TRAPPC11: variants seen among roughly 807,000 people sequenced by gnomAD.
The protein encoded by TRAPPC11 is foie gras homolog.
In TRAPPC11, 104 loss-of-function variants were observed where a neutral mutation model predicts 151.2. The observed-to-expected ratio is 0.69, with a 90% CI of 0.59 to 0.81. The LOEUF is 0.81. Ranked by LOEUF, TRAPPC11 falls within the 30% of genes least tolerant of loss-of-function variation. The pLI, the probability that TRAPPC11 is intolerant of heterozygous loss-of-function variation, is 0.00. For missense variants in TRAPPC11, 1,230 were observed against 1,349.6 expected (o/e 0.91, Z 1.39); for synonymous variants, 456 against 472.3 (o/e 0.97, Z 0.45).
At chr4:183,664,710 C>T (rs925808302) in intron 2 of TRAPPC11, among the ~76,000 whole-genome samples, 1 of 152,070 alleles carries the variant, frequency 6.6e-6, no homozygotes, top group Non-Finnish European at 1.5e-5. Flanking sequence ...AAACAGTTTA[C>T]TGTTTTAAGC....
chr4:183,660,948 G>A (rs577130719), intron 1 of TRAPPC11, among the ~76,000 whole-genome samples: 1 of 151,978 alleles, frequency 6.6e-6, no homozygotes, highest in Non-Finnish European at 1.5e-5. Flanking sequence ...CGTTGACCTC[G>A]TGAATCGCCC....
At chr4:183,666,905 A>G (rs1189779915) in intron 3 of TRAPPC11, 155 bp from the exon 4 acceptor site, 4 of 558,722 alleles carry the variant, frequency 7.2e-6, no homozygotes, top group Non-Finnish European at 1.3e-5. Context: ...TGTGACATAT[A>G]TGTGCTTTGT....
intron 26 of TRAPPC11, among the ~76,000 whole-genome samples, chr4:183,703,421 T>A (rs1736894572): frequency 6.6e-6 from 1 of 152,262 alleles, no homozygotes; most frequent in African/African-American, 2.4e-5. Flanking sequence ...TGTTTAGTTT[T>A]ATTTTTTTGT....
chr4:183,700,871 A>C (rs895388976), intron 25 of TRAPPC11: 5 of 152,130 alleles, frequency 3.3e-5, no homozygotes, highest in African/African-American at 1.2e-4. Flanking sequence ...TTTTGGAGCC[A>C]AGGTCTCACT....
At chr4:183,660,799 C>T (rs566144989) in intron 1 of TRAPPC11, among the ~76,000 whole-genome samples, 10 of 152,250 alleles carry the variant, frequency 6.6e-5, no homozygotes, top group Admixed American at 2.0e-4. Flanking sequence ...CTGAAATCTC[C>T]GCCTCCCGGG....
chr4:183,664,111 T>C, intron 2 of TRAPPC11, 40 bp downstream of exon 2: 1 of 1,525,880 alleles, frequency 6.6e-7, no homozygotes, highest in East Asian at 2.2e-5. Flanking sequence ...TCCTTCTCTC[T>C]CTCTATGTGT....
chr4:183,692,384 C>A (rs956730735), intron 19 of TRAPPC11, among the ~76,000 whole-genome samples: 10 of 147,914 alleles, frequency 6.8e-5, no homozygotes, highest in Non-Finnish European at 1.2e-4. Flanking sequence ...AAAAAAAAAA[C>A]TTTCATGATT....
In TRAPPC11 at chr4:183,712,588, C is replaced by T. The variant is rs2111114053; in HGVS notation, c.3358-12C>T. ...AATTTTGTAAACCCACTTTGTTTTT[C>T]CCACTTTAAAGCCACAGGGTCGACT... On this transcript the variant is annotated splice_polypyrimidine_tract_variant and intron_variant, in intron 29 of 29. Transcript: ENST00000334690. 1 of 1,613,534 alleles carries T rather than the reference C, an allele frequency of 6.2e-7. No individual in the cohort carries two copies. Among genetic ancestry groups the T allele is most frequent in the South Asian group, 1.1e-5 (1 of 90,908 alleles).
intron 1 of TRAPPC11, among the ~76,000 whole-genome samples, chr4:183,660,616 T>C (rs1734431379): frequency 6.6e-6 from 1 of 152,254 alleles, no homozygotes; most frequent in South Asian, 2.1e-4. Context: ...AGACCACAGC[T>C]ATGTCTTTTG....
chr4:183,708,255 G>T (rs950435456), intron 28 of TRAPPC11, 152 bp from the exon 29 acceptor site: 2 of 741,702 alleles, frequency 2.7e-6, no homozygotes, highest in Non-Finnish European at 4.1e-6. Flanking sequence ...CTACACTTTG[G>T]AATCTGTTTG....
chr4:183,697,411 T>G, intron 23 of TRAPPC11, 92 bp from the exon 24 acceptor site: 2 of 1,167,862 alleles, frequency 1.7e-6, no homozygotes, highest in East Asian at 2.5e-5. Context: ...AATTTGGGAT[T>G]ATTTATTGAT....
At chr4:183,672,898 A>G (rs1288987583) in intron 5 of TRAPPC11, among the ~76,000 whole-genome samples, 1 of 151,400 alleles carries the variant, frequency 6.6e-6, no homozygotes, top group African/African-American at 2.4e-5. Flanking sequence ...GTCTGTAGAC[A>G]TATTTCTGGC....
At chr4:183,707,316 G>A (rs1737125469) in intron 28 of TRAPPC11, among the ~76,000 whole-genome samples, 1 of 151,516 alleles carries the variant, frequency 6.6e-6, no homozygotes, top group East Asian at 1.9e-4. Context: ...AATATTAACA[G>A]CCCATTTTTC....
intron 5 of TRAPPC11, among the ~76,000 whole-genome samples, chr4:183,669,265 T>A (rs1403547546): frequency 6.6e-6 from 1 of 152,178 alleles, no homozygotes; most frequent in Non-Finnish European, 1.5e-5. Context: ...TAAATGAGTT[T>A]TATTCCTTAA....
At chr4:183,667,402 C>T (rs1734939020) in intron 4 of TRAPPC11, among the ~76,000 whole-genome samples, 1 of 152,166 alleles carries the variant, frequency 6.6e-6, no homozygotes, top group Admixed American at 6.5e-5. Context: ...ATTCACAAAA[C>T]AATTCGCTTG....
In TRAPPC11 at chr4:183,686,319, T is replaced by C. The variant is rs1307278293; in HGVS notation, c.1763-299T>C. ...GCCCGGCTAATTTTTGTATTTTTAG[T>C]ATAGATAAGGTTTCACCGTGTTGGC... On this transcript the variant is annotated intron_variant, in intron 17 of 29. Coordinates refer to ENST00000334690, the MANE Select transcript of TRAPPC11 (RefSeq NM_021942.6). 5.3e-5 allele frequency among the ~76,000 whole-genome samples: 8 copies of C among 150,206 alleles called. No individual in the cohort carries two copies. The East Asian group carries it at 6.0e-4, about 11-fold the overall frequency.
Position 183,691,456 on chromosome 4 carries a change from G to T in TRAPPC11, c.2034G>T (p.Val678=). The change falls in exon 19 of 30, where the codon GTG becomes GTT. Residue 678 remains valine, a synonymous_variant. Coordinates refer to ENST00000334690, the MANE Select transcript of TRAPPC11 (RefSeq NM_021942.6). ...LFKFVAKTED[V]GKKIEITSVD... is the part of the protein sequence containing the mutation. ...AGTTTGTTGCAAAAACTGAAGATGT[G>T]GGAAAGAAAATTGAGGTTAGTTATG... The T allele has an allele frequency of 1.3e-6, 2 of 1,494,590 alleles. No individual in the cohort carries two copies. Among genetic ancestry groups the T allele is most frequent in the South Asian group, 1.5e-5 (1 of 67,688 alleles). 92.6% of individuals were successfully genotyped at this position (1,494,590 alleles called of 1,614,324 possible).
intron 27 of TRAPPC11, among the ~76,000 whole-genome samples, chr4:183,705,363 A>C (rs1401842753): frequency 6.6e-6 from 1 of 152,238 alleles, no homozygotes; most frequent in Non-Finnish European, 1.5e-5. Flanking sequence ...AAAAATTAGC[A>C]GTAATGTCTT....
intron 5 of TRAPPC11, among the ~76,000 whole-genome samples, chr4:183,672,637 T>TA (rs1735209365): frequency 6.6e-6 from 1 of 152,218 alleles, no homozygotes; most frequent in African/African-American, 2.4e-5. Flanking sequence ...TGTAGCCTGT[T>TA]ACGGTTAAAG....
Sources: gnomAD v4.1 joint callset for allele counts (sites outside exome capture counted in the v4.1 genomes callset) on GRCh38, gnomAD v4.1.1 for gene constraint, MANE v1.5 for transcripts, NCBI Gene and HGNC (gene_info 2026-07-23, HGNC 2026-07-21) for gene names.